VPS13D: variants seen among roughly 807,000 people sequenced by gnomAD.
The protein encoded by VPS13D is intermembrane lipid transfer protein VPS13D.
VPS13D carries 187 observed loss-of-function variants against 461.9 expected under a neutral mutation model. That is an observed-to-expected ratio of 0.40 (90% CI 0.36 to 0.46). The LOEUF is 0.46. Ranked by LOEUF, VPS13D falls within the 20% of genes least tolerant of loss-of-function variation. The probability of loss-of-function intolerance (pLI) is 0.60; values close to 1 mark genes in which losing one functional copy is unlikely to be tolerated. For missense variants in VPS13D, 4,711 were observed against 5,364.9 expected, an observed-to-expected ratio of 0.88 and a Z score of 3.81; for synonymous variants, 1,951 against 1,986.3, an observed-to-expected ratio of 0.98 and a Z score of 0.47.
chr1:12,380,612 G>A (rs1172602534), intron 57 of VPS13D, among the ~76,000 whole-genome samples: 1 of 152,218 alleles, frequency 6.6e-6, no homozygotes, highest in African/African-American at 2.4e-5. Context: ...GAAGTAGGAA[G>A]GTGTCTAGGA....
chr1:12,396,008 T>TAA (rs1487683025), intron 60 of VPS13D, among the ~76,000 whole-genome samples: 3 of 132,146 alleles, frequency 2.3e-5, no homozygotes, highest in African/African-American at 9.4e-5. Context: ...TATATATATA[T>TAA]ATATATATAT....
At position 12,276,745 on chromosome 1, in the gene VPS13D, A is replaced by G; in HGVS notation, c.3157A>G (p.Thr1053Ala). 1.2e-6 allele frequency: 2 copies of G among 1,614,186 alleles called. No homozygotes were observed. Among genetic ancestry groups the G allele is most frequent in the South Asian group, 1.1e-5 (1 of 91,082 alleles). Residue 1053 changes from threonine to alanine, a missense_variant, in exon 19 of 70, where the codon ACT (threonine) becomes GCT (alanine). Thr to Ala is a moderately conservative substitution (Grantham distance 58). Coordinates refer to ENST00000620676, the MANE Select transcript of VPS13D (RefSeq NM_015378.4). The surrounding 1 kb of genome is among the most constrained non-coding windows in gnomAD (Gnocchi z 4.5). ...PVSGPNVAHL[T>A]DGATLNDRSA... ...CTCTGGACCGAATGTGGCCCACTTAACTGATGGAGCTACACTGAACGACCG... is the reference window on the plus strand; with the variant it reads ...CTCTGGACCGAATGTGGCCCACTTAGCTGATGGAGCTACACTGAACGACCG...
At chr1:12,455,956 C>T (rs763389123) in intron 65 of VPS13D, 42 bp from the exon 66 acceptor site, 20 of 1,559,218 alleles carry the variant, frequency 1.3e-5, no homozygotes, top group Non-Finnish European at 1.6e-5. Context: ...AAAAATAGTG[C>T]CAAGACTTTA....
rs1227970870 is a variant in VPS13D, at chr1:12,276,315, T to A, written c.2727T>A (p.Ser909=). ...ALLTTPEMKT[S]DTQIKEKIFP... is the part of the protein sequence containing the mutation. ...TCACCACCCCAGAAATGAAAACTTCTGACACTCAGATTAAAGAAAAGATTT... is the reference window on the plus strand; with the variant it reads ...TCACCACCCCAGAAATGAAAACTTCAGACACTCAGATTAAAGAAAAGATTT... Residue 909 remains serine, a synonymous_variant, in exon 19 of 70, where the codon TCT becomes TCA. Coordinates refer to ENST00000620676, the MANE Select transcript of VPS13D (RefSeq NM_015378.4). This position sits in a 1 kb window ranked among gnomAD's most constrained non-coding sequence, Gnocchi z 4.5. The A allele has an allele frequency of 9.3e-6, 15 of 1,614,052 alleles. No individual in the cohort carries two copies. The highest frequency in any genetic ancestry group is 1.3e-5 in the African/African-American group (1 of 74,928).
chr1:12,476,537 A>G (rs1449889497), intron 67 of VPS13D, among the ~76,000 whole-genome samples: 4 of 152,320 alleles, frequency 2.6e-5, no homozygotes, highest in Non-Finnish European at 5.9e-5. Context: ...TTGTCCTGGG[A>G]GATGTGGCAT....
Position 12,256,578 on chromosome 1 carries a change from A to G in VPS13D, c.840+75A>G, listed in dbSNP as rs1167374564. On this transcript the variant is annotated intron_variant, in intron 8 of 69. Transcript: ENST00000620676. ...GCAGTGAAAGTCTTGATATTAACGT[A>G]TCCTCAGCAGGAAAGAAAGTTCATG... The G allele has an allele frequency of 3.3e-6, 5 of 1,520,354 alleles. 1 individual carries two copies. Among genetic ancestry groups the G allele is most frequent in the East Asian group, 4.5e-5 (2 of 44,116 alleles). 94.2% of individuals were successfully genotyped at this position (1,520,354 alleles called of 1,614,324 possible).
intron 1 of VPS13D, among the ~76,000 whole-genome samples, chr1:12,231,823 A>G (rs1320505270): frequency 1.3e-5 from 2 of 152,128 alleles, no homozygotes; most frequent in Non-Finnish European, 2.9e-5. Context: ...CCCTGTCTCT[A>G]CCAAAAATAC....
chr1:12,481,256 G>A (rs778498263), intron 67 of VPS13D, among the ~76,000 whole-genome samples: 3 of 152,168 alleles, frequency 2.0e-5, no homozygotes, highest in Non-Finnish European at 4.4e-5. Flanking sequence ...TTGCAAGTCT[G>A]CATCCCAGTA....
rs929610313 is a variant in VPS13D, at chr1:12,283,565, C to G, written c.5463C>G (p.Ile1821Met). Residue 1821 changes from isoleucine (I) to methionine (M), a missense_variant, in exon 21 of 70, where the codon ATC becomes ATG. By Grantham distance (10) the Ile-to-Met change is conservative. Around this residue, in one of 3 missense-constraint regions of VPS13D, gnomAD observed 4,411 missense variants for 4,937.8 expected, o/e 0.89. Coordinates refer to ENST00000620676, the MANE Select transcript of VPS13D (RefSeq NM_015378.4). ...DVDFNCLDVL[I>M]TLQTWVVILD... ...ATTTTAATTGCTTGGATGTGCTGAT[C>G]ACACTGCAAACCTGGGTTGTGATAT... is the stretch of plus-strand genomic sequence containing the variant. The G allele has an allele frequency of 8.7e-6, 14 of 1,614,112 alleles. No individual in the cohort carries two copies. Among genetic ancestry groups the G allele is most frequent in the Admixed American group, 1.7e-5 (1 of 60,012 alleles).
chr1:12,293,801 T>A, intron 24 of VPS13D, 97 bp downstream of exon 24: 1 of 1,270,146 alleles, frequency 7.9e-7, no homozygotes, highest in Non-Finnish European at 1.1e-6. Context: ...AAAGGTAAGT[T>A]ATCCTTGCTA....
chr1:12,445,089 A>G (rs1305971725), intron 65 of VPS13D, among the ~76,000 whole-genome samples: 2 of 152,230 alleles, frequency 1.3e-5, no homozygotes, highest in Non-Finnish European at 2.9e-5. Context: ...CTTGGGATAG[A>G]CAATAGAAAG....
At chr1:12,460,895 C>A (rs111915386) in intron 67 of VPS13D, among the ~76,000 whole-genome samples, 1 of 151,974 alleles carries the variant, frequency 6.6e-6, no homozygotes, top group South Asian at 2.1e-4. Flanking sequence ...ATTTTCCTTC[C>A]GCTTGAAAGT....
Position 12,304,671 on chromosome 1 carries a change from A to G in VPS13D, c.6382A>G (p.Thr2128Ala). ...LKSEFVPSTS[T>A]KQQGPQPTLS... ...GAGTGAGTTTGTGCCCAGTACCTCC[A>G]CCAAGCAGCAAGGGCCGCAACCCAC... Residue 2128 changes from threonine to alanine, a missense_variant, in exon 26 of 70, where the codon ACC (threonine) becomes GCC (alanine). Physicochemically the swap from Thr to Ala is moderately conservative, Grantham distance 58. Around this residue, in one of 3 missense-constraint regions of VPS13D, gnomAD observed 4,411 missense variants for 4,937.8 expected, o/e 0.89. Transcript: ENST00000620676. 6.2e-7 allele frequency: 1 copy of G among 1,614,002 alleles called. No individual in the cohort carries two copies. Among genetic ancestry groups the G allele is most frequent in the South Asian group, 1.1e-5 (1 of 91,074 alleles).
intron 34 of VPS13D, 76 bp downstream of exon 34, chr1:12,322,822 G>C: frequency 7.6e-7 from 1 of 1,321,928 alleles, no homozygotes; most frequent in Non-Finnish European, 1.1e-6. Flanking sequence ...ATTTTCTTTT[G>C]CACAACTAAA....
chr1:12,258,846 C>T (rs1325571531), intron 10 of VPS13D, among the ~76,000 whole-genome samples: 2 of 152,208 alleles, frequency 1.3e-5, no homozygotes, highest in Admixed American at 6.5e-5. Context: ...CCCTTCAGCA[C>T]CTGCTGTGTG....
At chr1:12,498,054 A>T (rs749625715) in intron 68 of VPS13D, among the ~76,000 whole-genome samples, 1 of 152,244 alleles carries the variant, frequency 6.6e-6, no homozygotes, top group Non-Finnish European at 1.5e-5. Context: ...CATTTTGGAA[A>T]TGTATTTTTC....
chr1:12,256,291 G>T (rs1001343815), intron 7 of VPS13D, 42 bp from the exon 8 acceptor site: 1 of 1,590,526 alleles, frequency 6.3e-7, no homozygotes, highest in African/African-American at 1.4e-5. Flanking sequence ...CTACCAGAAG[G>T]AAAGCCATTC....
chr1:12,282,791 C>G lies in VPS13D; in HGVS notation c.4689C>G (p.Ala1563=), dbSNP rs1641825121. ...VYSEDLNKYP[A]SATSSPCPDS... is the part of the protein sequence containing the mutation. ...GTGAAGATCTGAATAAGTATCCAGC[C>G]AGTGCTACCTCCTCCCCTTGCCCTG... is the stretch of plus-strand genomic sequence containing the variant. Residue 1563 remains alanine, a synonymous_variant, in exon 21 of 70, where the codon GCC becomes GCG. Transcript: ENST00000620676. 1 of 1,613,986 alleles carries G rather than the reference C, an allele frequency of 6.2e-7. No homozygotes were observed. The highest frequency in any genetic ancestry group is 1.7e-5 in the Admixed American group (1 of 59,996).
intron 25 of VPS13D, among the ~76,000 whole-genome samples, chr1:12,303,481 T>C (rs528330319): frequency 2.4e-4 from 36 of 152,304 alleles, no homozygotes; most frequent in African/African-American, 8.4e-4. Flanking sequence ...TTAAATAAAC[T>C]AAGTGAGAGG....
Sources: allele counts gnomAD v4.1 joint callset (sites outside exome capture counted in the v4.1 genomes callset), GRCh38; gene constraint gnomAD v4.1.1; regional missense constraint gnomAD v4.1.1; non-coding constraint Gnocchi (gnomAD v3.1); transcripts MANE v1.5; gene names NCBI Gene and HGNC (gene_info 2026-07-23, HGNC 2026-07-21).